Variants in CACNA1B observed in about 807,000 individuals in gnomAD.
CACNA1B encodes calcium voltage-gated channel subunit alpha1 B, also known as voltage-dependent N-type calcium channel subunit alpha-1B.
Under a neutral mutation model 247.2 loss-of-function variants are expected in CACNA1B, and 70 were observed. The ratio of observed to expected loss-of-function variants is 0.28; its 90% CI spans 0.23 to 0.35. The LOEUF (loss-of-function observed/expected upper bound fraction) is 0.35. Among genes scored for constraint, CACNA1B ranks in the 10% least tolerant of loss-of-function variants. The pLI is 1.00. For synonymous variants in CACNA1B, 1,231 were observed against 1,294.4 expected, an observed-to-expected ratio of 0.95 and a Z score of 1.05; for missense variants, 2,367 against 3,197.4, an observed-to-expected ratio of 0.74 and a Z score of 6.26.
At chr9:137,965,578 T>G (rs1319153325) in intron 10 of CACNA1B, among the ~76,000 whole-genome samples, 1 of 80,982 alleles carries the variant, frequency 1.2e-5, no homozygotes, top group Non-Finnish European at 2.6e-5. Flanking sequence ...CTTCATTTTA[T>G]TTATTTATTT....
intron 12 of CACNA1B, among the ~76,000 whole-genome samples, chr9:137,979,552 T>C (rs910489809): frequency 1.8e-4 from 27 of 152,242 alleles, no homozygotes; most frequent in African/African-American, 6.0e-4. Flanking sequence ...GGGCAGGTAT[T>C]ATGCAAGGAT....
rs1209093491 is a variant in CACNA1B, at chr9:138,094,391, A to G, written c.5095-2093A>G. On this transcript the variant is annotated intron_variant, in intron 36 of 46. Transcript: ENST00000371372. ...TATACTTAATGCCACTGACCTCTACACTTAAAAATTGTTAAAATGGAAATT... is the reference window on the plus strand; with the variant it reads ...TATACTTAATGCCACTGACCTCTACGCTTAAAAATTGTTAAAATGGAAATT... Among the ~76,000 whole-genome samples the G allele has an allele frequency of 2.6e-5, 4 of 151,172 alleles. No individual in the cohort carries two copies. The East Asian group carries it at 7.8e-4, about 29-fold the overall frequency.
rs1958771287 is a variant in CACNA1B at position 138,014,879 on chromosome 9, C to T, written c.2267+1644C>T. On this transcript the variant is annotated intron_variant, in intron 18 of 46. Coordinates refer to ENST00000371372, the MANE Select transcript of CACNA1B (RefSeq NM_000718.4). The surrounding 1 kb of genome is among the most constrained non-coding windows in gnomAD (Gnocchi z 6.2). ...TCCCTGGCAGTCATGGAGCCTGAGT[C>T]AGGCTGCCTGAAAAGGAGGCTGGAC... 6.6e-6 allele frequency among the ~76,000 whole-genome samples: 1 copy of T among 152,052 alleles called. No individual in the cohort carries two copies. The highest frequency in any genetic ancestry group is 2.1e-4 in the South Asian group (1 of 4,812).
intron 32 of CACNA1B, among the ~76,000 whole-genome samples, chr9:138,071,697 T>TA (rs1483239216): frequency 2.0e-5 from 3 of 152,306 alleles, no homozygotes; most frequent in East Asian, 3.9e-4. Context: ...GACAAACTGT[T>TA]ACTCTCCACG....
chr9:137,975,923 T>G lies in CACNA1B; in HGVS notation c.1560T>G (p.Val520=). The change falls in exon 12 of 47, where the codon GTT becomes GTG. Residue 520 remains valine (V), a synonymous_variant. Coordinates refer to ENST00000371372, the MANE Select transcript of CACNA1B (RefSeq NM_000718.4). ...TTCTCCTAGATTTTGCAGAGTTTGT[T>G]TTCCTGGGTCTCTTCCTCACAGAGA... is the stretch of plus-strand genomic sequence containing the variant. ...LTTTLYFAEF[V]FLGLFLTEMS... 1 of 1,612,204 alleles carries G rather than the reference T, an allele frequency of 6.2e-7. No homozygotes were observed. The highest frequency in any genetic ancestry group is 8.5e-7 in the Non-Finnish European group (1 of 1,178,294).
At chr9:138,091,308 C>T (rs1354279254) in intron 36 of CACNA1B, among the ~76,000 whole-genome samples, 3 of 152,098 alleles carry the variant, frequency 2.0e-5, no homozygotes, top group African/African-American at 7.2e-5. Flanking sequence ...ATTGCATGTT[C>T]TCACTCATAT....
At chr9:137,893,820 G>A (rs374067902) in intron 3 of CACNA1B, among the ~76,000 whole-genome samples, 2 of 152,186 alleles carry the variant, frequency 1.3e-5, no homozygotes, top group South Asian at 2.1e-4. Flanking sequence ...GCAGGGCCAC[G>A]GTCTCATGAC....
At position 137,919,572 on chromosome 9, in the gene CACNA1B, T is replaced by A. The variant is rs1203234626; in HGVS notation, c.966+2141T>A. ...GATTAGACAGGAGTTTTGAAGAGGA[T>A]CCTTTGGAGAGAGCGAGAGCCCGCC... On this transcript the variant is annotated intron_variant, in intron 6 of 46. Coordinates refer to ENST00000371372, the MANE Select transcript of CACNA1B (RefSeq NM_000718.4). The surrounding 1 kb of genome is among the most constrained non-coding windows in gnomAD (Gnocchi z 4.6). Among the ~76,000 whole-genome samples, 1 of 152,164 alleles carries A rather than the reference T, an allele frequency of 6.6e-6. No individual in the cohort carries two copies. The highest frequency in any genetic ancestry group is 1.5e-5 in the Non-Finnish European group (1 of 68,028).
intron 39 of CACNA1B, among the ~76,000 whole-genome samples, chr9:138,106,975 C>T (rs367762202): frequency 1.2e-4 from 18 of 152,098 alleles, no homozygotes; most frequent in East Asian, 1.2e-3. Context: ...TGTCCATGGC[C>T]GTTTCTCCAT....
intron 20 of CACNA1B, among the ~76,000 whole-genome samples, chr9:138,038,479 C>T (rs771676760): frequency 1.7e-4 from 26 of 152,222 alleles, no homozygotes; most frequent in Non-Finnish European, 3.4e-4. Context: ...CTCTTCAGCT[C>T]CTCTTCAGAG....
intron 6 of CACNA1B, among the ~76,000 whole-genome samples, chr9:137,951,753 G>A (rs529278842): frequency 1.3e-5 from 2 of 152,338 alleles, no homozygotes; most frequent in East Asian, 1.9e-4. Context: ...CGCTGTCTCA[G>A]GCCAGGCATG....
chr9:137,988,390 C>T (rs934840882), intron 15 of CACNA1B, among the ~76,000 whole-genome samples: 1 of 152,076 alleles, frequency 6.6e-6, no homozygotes, highest in Non-Finnish European at 1.5e-5. Flanking sequence ...CAGGGAGGGG[C>T]TCCATGCCAG....
In CACNA1B at chr9:137,971,868, G is replaced by C. The variant is rs1958154804; in HGVS notation, c.1543+276G>C. Among the ~76,000 whole-genome samples, 1 of 152,138 alleles carries C rather than the reference G, an allele frequency of 6.6e-6. No homozygotes were observed. Among genetic ancestry groups the C allele is most frequent in the South Asian group, 2.1e-4 (1 of 4,818 alleles). On this transcript the variant is annotated intron_variant, in intron 11 of 46. Coordinates refer to ENST00000371372, the MANE Select transcript of CACNA1B (RefSeq NM_000718.4). The surrounding 1 kb of genome is among the most constrained non-coding windows in gnomAD (Gnocchi z 4.4). Reference sequence around the variant, plus strand: ...CAGCATAGTGTGAGACTGGTTGAGGGGTCCGAGGCACCCAGGGCAGGATAT... The same window carrying C: ...CAGCATAGTGTGAGACTGGTTGAGGCGTCCGAGGCACCCAGGGCAGGATAT...
In CACNA1B at chr9:137,986,832, C is replaced by T. The variant is rs1468501592; in HGVS notation, c.1952C>T (p.Ala651Val). The change falls in exon 15 of 47, where the codon GCC becomes GTC. Residue 651 changes from alanine (A) to valine (V), a missense_variant. Coordinates refer to ENST00000371372, the MANE Select transcript of CACNA1B (RefSeq NM_000718.4). This position sits in a 1 kb window ranked among gnomAD's most constrained non-coding sequence, Gnocchi z 6.0. ...ACAACCAACTTCGACACCTTCCCTG[C>T]CGCCATCCTCACTGTCTTCCAGGTA... is the stretch of plus-strand genomic sequence containing the variant. ...TPTTNFDTFP[A>V]AILTVFQILT... 4.3e-6 allele frequency: 7 copies of T among 1,613,730 alleles called. No homozygotes were observed. The highest frequency in any genetic ancestry group is 5.9e-6 in the Non-Finnish European group (7 of 1,179,628).
At position 138,032,806 on chromosome 9, in the gene CACNA1B, T is replaced by A. The variant is rs536438048; in HGVS notation, c.3286+7634T>A. ...GTTTATCTCTTGCTGCTTTCAAGATTTTTTTCCTTGTCTTTATATTTCAGA... is the reference window on the plus strand; with the variant it reads ...GTTTATCTCTTGCTGCTTTCAAGATATTTTTCCTTGTCTTTATATTTCAGA... On this transcript the variant is annotated intron_variant, in intron 20 of 46. Coordinates refer to ENST00000371372, the MANE Select transcript of CACNA1B (RefSeq NM_000718.4). 1.1e-3 allele frequency: 446 copies of A among 392,160 alleles called. 4 individuals are homozygous for A. Among genetic ancestry groups the A allele is most frequent in the Middle Eastern group, 6.8e-3 (19 of 2,778 alleles). 24.3% of individuals were successfully genotyped at this position (392,160 alleles called of 1,614,324 possible).
At chr9:137,984,330 C>T (rs1489298195) in intron 13 of CACNA1B, 80 bp downstream of exon 13, 1 of 926,072 alleles carries the variant, frequency 1.1e-6, no homozygotes, top group Non-Finnish European at 1.7e-6. Context: ...TGCTTGTCCC[C>T]AGGAGTTCAC....
At position 138,073,902 on chromosome 9, in the gene CACNA1B, C is replaced by A; in HGVS notation, c.4792-99C>A. ...GCCAGTGGGATGGAGCTTGAGTAGG[C>A]TGAGGTCTGTGTGACCTCAAAGGCC... On this transcript the variant is annotated intron_variant, in intron 33 of 46. Transcript: ENST00000371372. This position sits in a 1 kb window ranked among gnomAD's most constrained non-coding sequence, Gnocchi z 6.4. 2.2e-6 allele frequency: 2 copies of A among 909,444 alleles called. No homozygotes were observed. Among genetic ancestry groups the A allele is most frequent in the South Asian group, 1.3e-5 (1 of 75,390 alleles). 56.3% of individuals were successfully genotyped at this position (909,444 alleles called of 1,614,324 possible).
In CACNA1B at chr9:137,878,237, C is replaced by T. The variant is rs1588970074; in HGVS notation, c.284+20C>T. 1 of 282,980 alleles carries T rather than the reference C, an allele frequency of 3.5e-6. No homozygotes were observed. The highest frequency in any genetic ancestry group is 1.5e-4 in the South Asian group (1 of 6,744). The allele number at this position is 282,980 out of a possible 1,614,324, so 17.5% of individuals were successfully genotyped here. On this transcript the variant is annotated intron_variant, in intron 1 of 46. Coordinates refer to ENST00000371372, the MANE Select transcript of CACNA1B (RefSeq NM_000718.4). ...GTGGCCATATCCTGCCGGGCGGGGC[C>T]GGGCGGGGCCGGGCGGGGACCGGGG...
chr9:138,046,328 C>T (rs967878183), intron 21 of CACNA1B, among the ~76,000 whole-genome samples: 17 of 152,198 alleles, frequency 1.1e-4, no homozygotes, highest in African/African-American at 3.1e-4. Flanking sequence ...CCCCGTGCAG[C>T]GTGTTCACGT....
Sources: allele counts gnomAD v4.1 joint callset (sites outside exome capture counted in the v4.1 genomes callset), GRCh38; gene constraint gnomAD v4.1.1; non-coding constraint Gnocchi (gnomAD v3.1); transcripts MANE v1.5; gene names NCBI Gene and HGNC (gene_info 2026-07-23, HGNC 2026-07-21).